JAKMIP1: variants seen among roughly 807,000 people sequenced by gnomAD.
JAKMIP1 encodes janus kinase and microtubule interacting protein 1.
A neutral mutation model predicts 113.0 loss-of-function variants in JAKMIP1; 33 were observed. That is an observed-to-expected ratio of 0.29 (90% CI 0.22 to 0.39). JAKMIP1 has a LOEUF of 0.39. Ranked by LOEUF, JAKMIP1 falls within the 10% of genes least tolerant of loss-of-function variation. The probability of loss-of-function intolerance (pLI) is 1.00; values close to 1 mark genes in which losing one functional copy is unlikely to be tolerated. For missense variants in JAKMIP1, 813 were observed against 1,080.5 expected (o/e 0.75, Z 3.47); for synonymous variants, 480 against 459.9 (o/e 1.04, Z -0.56).
intron 11 of JAKMIP1, 78 bp downstream of exon 11, chr4:6,060,346 C>T (rs954453848): frequency 1.1e-4 from 122 of 1,113,658 alleles, no homozygotes; most frequent in Non-Finnish European, 1.5e-4. Context: ...TCCCCCTTGG[C>T]ACAAGGGCGA....
Position 6,042,270 on chromosome 4 carries a change from T to C in JAKMIP1, c.2029-43A>G. ...CAGGACGGGTGCAGCAAAGTGAGAG[T>C]CAGAACCCAAGGGGCTGTGGAATTT... On this transcript the variant is annotated intron_variant, in intron 16 of 20. Coordinates refer to ENST00000409021, the MANE Select transcript of JAKMIP1 (RefSeq NM_001099433.2). The surrounding 1 kb of genome is among the most constrained non-coding windows in gnomAD (Gnocchi z 5.2). 5 of 1,506,202 alleles carry C rather than the reference T, an allele frequency of 3.3e-6. No homozygotes were observed. The highest frequency in any genetic ancestry group is 4.6e-6 in the Non-Finnish European group (5 of 1,082,850). 93.3% of individuals were successfully genotyped at this position (1,506,202 alleles called of 1,614,324 possible).
rs1035259834 is a variant in JAKMIP1 at position 6,150,045 on chromosome 4, A to C, written c.-147-37048T>G. On this transcript the variant is annotated intron_variant, in intron 1 of 20. Transcript: ENST00000409021. The surrounding 1 kb of genome is among the most constrained non-coding windows in gnomAD (Gnocchi z 4.8). ...TCACATCCTCCAAGGTCAATTACACACTCATTCTTCCAAGAAACACGCCTA... is the reference window on the plus strand; with the variant it reads ...TCACATCCTCCAAGGTCAATTACACCCTCATTCTTCCAAGAAACACGCCTA... Among the ~76,000 whole-genome samples, 1 of 151,820 alleles carries C rather than the reference A, an allele frequency of 6.6e-6. No individual in the cohort carries two copies. The highest frequency in any genetic ancestry group is 2.4e-5 in the African/African-American group (1 of 41,298).
chr4:6,189,360 C>A (rs1726984119), intron 1 of JAKMIP1, among the ~76,000 whole-genome samples: 1 of 152,170 alleles, frequency 6.6e-6, no homozygotes, highest in Non-Finnish European at 1.5e-5. Flanking sequence ...AGGGGTATTC[C>A]CACCCCAAGC....
chr4:6,094,719 C>T lies in JAKMIP1; in HGVS notation c.625-9090G>A, dbSNP rs73198047. 0.26 allele frequency among the ~76,000 whole-genome samples: 39,395 copies of T among 152,142 alleles called. 5,684 individuals carry two copies. Among genetic ancestry groups the T allele is most frequent in the East Asian group, 0.4 (2,053 of 5,168 alleles). ...ATAGAAAATGAAAAATACAGCCAGACGCAGTGGCTCACGCCTATAATCCCA... is the reference window on the plus strand; with the variant it reads ...ATAGAAAATGAAAAATACAGCCAGATGCAGTGGCTCACGCCTATAATCCCA... On this transcript the variant is annotated intron_variant, in intron 3 of 20. Coordinates refer to ENST00000409021, the MANE Select transcript of JAKMIP1 (RefSeq NM_001099433.2). This position sits in a 1 kb window ranked among gnomAD's most constrained non-coding sequence, Gnocchi z 4.2.
At position 6,116,255 on chromosome 4, in the gene JAKMIP1, C is replaced by T. The variant is rs557236264; in HGVS notation, c.-147-3258G>A. ...TCACTGTAATCAGCCCCTCTGGCTGCGGGCTGCCCAAAGGTCTCATCAGCA... is the reference window on the plus strand; with the variant it reads ...TCACTGTAATCAGCCCCTCTGGCTGTGGGCTGCCCAAAGGTCTCATCAGCA... On this transcript the variant is annotated intron_variant, in intron 1 of 20. Coordinates refer to ENST00000409021, the MANE Select transcript of JAKMIP1 (RefSeq NM_001099433.2). The surrounding 1 kb of genome is among the most constrained non-coding windows in gnomAD (Gnocchi z 5.1). 3.3e-5 allele frequency among the ~76,000 whole-genome samples: 5 copies of T among 152,200 alleles called. No homozygotes were observed. The highest frequency in any genetic ancestry group is 9.6e-5 in the African/African-American group (4 of 41,530).
At chr4:6,169,824 T>C (rs1199489447) in intron 1 of JAKMIP1, among the ~76,000 whole-genome samples, 1 of 151,820 alleles carries the variant, frequency 6.6e-6, no homozygotes, top group African/African-American at 2.4e-5. Context: ...ACCTACCTCA[T>C]AGGTACAACA....
intron 1 of JAKMIP1, among the ~76,000 whole-genome samples, chr4:6,169,641 G>C (rs990991249): frequency 6.8e-6 from 1 of 146,900 alleles, no homozygotes; most frequent in African/African-American, 2.5e-5. Flanking sequence ...GTGTGTGTGT[G>C]AATTATTTTC....
rs961514936 is a variant in JAKMIP1, at chr4:6,050,875, A to T, written c.1807-196T>A. 6.6e-6 allele frequency among the ~76,000 whole-genome samples: 1 copy of T among 152,198 alleles called. No homozygotes were observed. The highest frequency in any genetic ancestry group is 6.5e-5 in the Admixed American group (1 of 15,288). ...CTTCCCACGCAGCAGTTCTCCATGG[A>T]AATGTGTTTACTTCTTCCCTATTCA... On this transcript the variant is annotated intron_variant, in intron 13 of 20. Transcript: ENST00000409021. This position sits in a 1 kb window ranked among gnomAD's most constrained non-coding sequence, Gnocchi z 7.4.
Position 6,080,369 on chromosome 4 carries a change from G to C in JAKMIP1, c.1102-57C>G. On this transcript the variant is annotated intron_variant, in intron 6 of 20. Coordinates refer to ENST00000409021, the MANE Select transcript of JAKMIP1 (RefSeq NM_001099433.2). This position sits in a 1 kb window ranked among gnomAD's most constrained non-coding sequence, Gnocchi z 6.0. ...GTTACCCGCCAACAGTGTTTGTTAG[G>C]GACAGTGCTGGAGTGGAGCTCAGGG... 1 of 1,589,004 alleles carries C rather than the reference G, an allele frequency of 6.3e-7. No homozygotes were observed. Among genetic ancestry groups the C allele is most frequent in the East Asian group, 2.2e-5 (1 of 44,652 alleles).
chr4:6,091,179 A>AT (rs1489794491), intron 3 of JAKMIP1, among the ~76,000 whole-genome samples: 1 of 152,120 alleles, frequency 6.6e-6, no homozygotes, highest in African/African-American at 2.4e-5. Context: ...TGAACGTTTG[A>AT]TTTTTTCACT....
chr4:6,027,216 A>G (rs1485662018), intron 20 of JAKMIP1, among the ~76,000 whole-genome samples: 1 of 152,206 alleles, frequency 6.6e-6, no homozygotes, highest in Non-Finnish European at 1.5e-5. Flanking sequence ...ATATCTGAAC[A>G]TCAACTGGGG....
At chr4:6,075,072 A>C (rs931942388) in intron 8 of JAKMIP1, among the ~76,000 whole-genome samples, 1 of 152,208 alleles carries the variant, frequency 6.6e-6, no homozygotes, top group African/African-American at 2.4e-5. Flanking sequence ...TTTAGTGAAT[A>C]ATGAAAAGGA....
Position 6,085,601 on chromosome 4 carries a change from A to C in JAKMIP1, c.653T>G (p.Val218Gly), listed in dbSNP as rs1560162509. The change falls in exon 4 of 21, where the codon GTG (valine) becomes GGG (glycine). Residue 218 changes from valine to glycine, a missense_variant. Physicochemically the swap from Val to Gly is moderately radical, Grantham distance 109. This residue lies in a region of JAKMIP1 where 540 missense variants were observed against 653.9 expected (regional missense o/e 0.83). Coordinates refer to ENST00000409021, the MANE Select transcript of JAKMIP1 (RefSeq NM_001099433.2). ...AAGTTCCTTCTCCAAGGCCAGAATCACACGGTCTTTCCCTTTGATCTCATC... is the reference window on the plus strand; with the variant it reads ...AAGTTCCTTCTCCAAGGCCAGAATCCCACGGTCTTTCCCTTTGATCTCATC... Reference protein sequence around the residue: ...LMDEIKGKDRVILALEKELGV... With the variant: ...LMDEIKGKDRGILALEKELGV... The C allele has an allele frequency of 1.2e-6, 2 of 1,614,170 alleles. No individual in the cohort carries two copies. The highest frequency in any genetic ancestry group is 1.7e-6 in the Non-Finnish European group (2 of 1,180,042).
At chr4:6,163,505 C>T (rs1361519350) in intron 1 of JAKMIP1, among the ~76,000 whole-genome samples, 1 of 152,192 alleles carries the variant, frequency 6.6e-6, no homozygotes, top group African/African-American at 2.4e-5. Flanking sequence ...TGGCCTCAGG[C>T]CTCCCCATTC....
chr4:6,028,566 A>AT (rs1174552105), intron 20 of JAKMIP1, among the ~76,000 whole-genome samples: 1 of 152,230 alleles, frequency 6.6e-6, no homozygotes, highest in Non-Finnish European at 1.5e-5. Context: ...AAAGGCTGTC[A>AT]TCCCATTTTT....
chr4:6,189,317 C>T (rs552122701), intron 1 of JAKMIP1, among the ~76,000 whole-genome samples: 2 of 152,220 alleles, frequency 1.3e-5, no homozygotes, highest in Non-Finnish European at 2.9e-5. Context: ...ACAGAACCTT[C>T]GCAAATCTCA....
intron 1 of JAKMIP1, among the ~76,000 whole-genome samples, chr4:6,163,289 G>A (rs1723185561): frequency 6.6e-6 from 1 of 151,632 alleles, no homozygotes; most frequent in Non-Finnish European, 1.5e-5. Flanking sequence ...CCCACCTCGT[G>A]TCTCTGTGCC....
At chr4:6,128,310 A>C (rs1305489973) in intron 1 of JAKMIP1, among the ~76,000 whole-genome samples, 2 of 152,144 alleles carry the variant, frequency 1.3e-5, no homozygotes, top group East Asian at 3.9e-4. Context: ...GAGCCCCACA[A>C]GTGGTGTCTT....
chr4:6,052,389 G>A (rs1715770078), intron 13 of JAKMIP1, among the ~76,000 whole-genome samples: 1 of 152,096 alleles, frequency 6.6e-6, no homozygotes, highest in South Asian at 2.1e-4. Context: ...GCTTATACCT[G>A]TAATCCCAGC....
Sources: gnomAD v4.1 joint callset for allele counts (sites outside exome capture counted in the v4.1 genomes callset) on GRCh38, gnomAD v4.1.1 for gene constraint, gnomAD v4.1.1 regional missense constraint, Gnocchi (gnomAD v3.1) non-coding constraint, MANE v1.5 for transcripts, NCBI Gene and HGNC (gene_info 2026-07-23, HGNC 2026-07-21) for gene names.